FSIP1: variants seen among roughly 807,000 people sequenced by gnomAD.
FSIP1 encodes fibrous sheath-interacting protein 1.
A neutral mutation model predicts 60.9 loss-of-function variants in FSIP1; 65 were observed. That is an observed-to-expected ratio of 1.07 (90% confidence interval 0.87 to 1.31). The LOEUF (loss-of-function observed/expected upper bound fraction) is 1.31. Among genes scored for constraint, FSIP1 ranks in the 40% most tolerant of loss-of-function variants. The pLI, the probability that FSIP1 is intolerant of heterozygous loss-of-function variation, is 0.00. For synonymous variants in FSIP1, 209 were observed against 221.2 expected, an observed-to-expected ratio of 0.94 and a Z score of 0.49; for missense variants, 675 against 665.5, an observed-to-expected ratio of 1.01 and a Z score of -0.16.
At chr15:39,629,047 T>C (rs898138348) in intron 10 of FSIP1, among the ~76,000 whole-genome samples, 1 of 152,334 alleles carries the variant, frequency 6.6e-6, no homozygotes, top group African/African-American at 2.4e-5. Flanking sequence ...TGGCCTCTCT[T>C]GGAAGCTGTA....
At chr15:39,706,178 C>A (rs912087468) in intron 10 of FSIP1, among the ~76,000 whole-genome samples, 1 of 151,950 alleles carries the variant, frequency 6.6e-6, no homozygotes, top group African/African-American at 2.4e-5. Flanking sequence ...TTGGTTTCCT[C>A]GGGCATTATT....
intron 10 of FSIP1, among the ~76,000 whole-genome samples, chr15:39,695,852 G>GAA (rs1011300935): frequency 6.6e-6 from 1 of 152,070 alleles, no homozygotes; most frequent in Non-Finnish European, 1.5e-5. Flanking sequence ...ACTCACTCAA[G>GAA]AAAAAAATTA....
intron 10 of FSIP1, among the ~76,000 whole-genome samples, chr15:39,633,967 A>G (rs1892018138): frequency 6.6e-6 from 1 of 152,156 alleles, no homozygotes; most frequent in South Asian, 2.1e-4. Flanking sequence ...ATAGGCCCTC[A>G]GTTCTTCCAC....
rs370723351 is a variant in FSIP1, at chr15:39,701,660, C to A, written c.1188+11784G>T. ...AATTCTATCTGGTTTCATTTCAAATCTTTGTCATATTCTCAAAGCTCATTT... is the reference window on the plus strand; with the variant it reads ...AATTCTATCTGGTTTCATTTCAAATATTTGTCATATTCTCAAAGCTCATTT... On this transcript the variant is annotated intron_variant, in intron 10 of 11. Coordinates refer to ENST00000350221, the MANE Select transcript of FSIP1 (RefSeq NM_152597.5). 3.3e-5 allele frequency among the ~76,000 whole-genome samples: 5 copies of A among 152,290 alleles called. 1 individual carries two copies. Among genetic ancestry groups the A allele is most frequent in the Admixed American group, 6.5e-5 (1 of 15,288 alleles).
intron 10 of FSIP1, among the ~76,000 whole-genome samples, chr15:39,630,683 G>T (rs754316418): frequency 6.6e-6 from 1 of 152,194 alleles, no homozygotes; most frequent in Non-Finnish European, 1.5e-5. Context: ...CAGAGAAATT[G>T]AATGGTCCAG....
intron 10 of FSIP1, among the ~76,000 whole-genome samples, chr15:39,655,425 G>A (rs1298141592): frequency 6.6e-6 from 1 of 152,174 alleles, no homozygotes; most frequent in African/African-American, 2.4e-5. Context: ...GCCTCAAAAT[G>A]TAACTCTTCT....
intron 10 of FSIP1, among the ~76,000 whole-genome samples, chr15:39,649,718 A>C (rs1892787383): frequency 6.6e-6 from 1 of 152,150 alleles, no homozygotes; most frequent in Admixed American, 6.5e-5. Context: ...TCTGCCCAGG[A>C]ACCAACAAAG....
chr15:39,662,429 A>C (rs1416638860), intron 10 of FSIP1, among the ~76,000 whole-genome samples: 1 of 152,116 alleles, frequency 6.6e-6, no homozygotes, highest in Non-Finnish European at 1.5e-5. Context: ...TTATCTACCC[A>C]AAAAAGGAGG....
intron 10 of FSIP1, among the ~76,000 whole-genome samples, chr15:39,676,968 CTTAA>C (rs1204344327): frequency 6.6e-6 from 1 of 152,126 alleles, no homozygotes; most frequent in Non-Finnish European, 1.5e-5. Context: ...GAGTTGAGTT[CTTAA>C]TTAACTGTTG....
chr15:39,696,888 G>C (rs1894838492), intron 10 of FSIP1, among the ~76,000 whole-genome samples: 2 of 25,146 alleles, frequency 8.0e-5, no homozygotes, highest in South Asian at 2.1e-3. Context: ...GTGTGTGTGT[G>C]TGTGTGTGTG....
At chr15:39,673,346 C>T (rs2140472796) in intron 10 of FSIP1, among the ~76,000 whole-genome samples, 1 of 152,300 alleles carries the variant, frequency 6.6e-6, no homozygotes, top group South Asian at 2.1e-4. Context: ...CAGGGTCTCA[C>T]TTGGTCATCC....
chr15:39,625,630 C>T (rs1240438121), intron 10 of FSIP1, among the ~76,000 whole-genome samples: 2 of 152,120 alleles, frequency 1.3e-5, no homozygotes, highest in African/African-American at 4.8e-5. Context: ...AGCAAGTCGC[C>T]GGAATGGCCC....
At chr15:39,758,231 G>T (rs1897364172) in intron 5 of FSIP1, among the ~76,000 whole-genome samples, 1 of 152,010 alleles carries the variant, frequency 6.6e-6, no homozygotes, top group Admixed American at 6.6e-5. Flanking sequence ...TGAAAAAAGG[G>T]CAACTGAAAA....
At position 39,618,385 on chromosome 15, in the gene FSIP1, A is replaced by G. The variant is rs1033846766; in HGVS notation, c.1189-140T>C. The G allele has an allele frequency of 1.3e-5, 9 of 704,780 alleles. No individual in the cohort carries two copies. In the Admixed American group the frequency reaches 2.0e-4, roughly 16 times the overall value. The allele number at this position is 704,780 out of a possible 1,614,324, so 43.7% of individuals were successfully genotyped here. ...AAAATAGAAAAATAATTCATTGTAA[A>G]GTATCCAAAACTGTAGGGGAAATGT... On this transcript the variant is annotated intron_variant, in intron 10 of 11. Transcript: ENST00000350221.
At position 39,738,076 on chromosome 15, in the gene FSIP1, T is replaced by A; in HGVS notation, c.891+15A>T. 1 of 1,420,214 alleles carries A rather than the reference T, an allele frequency of 7.0e-7. No individual in the cohort carries two copies. Among genetic ancestry groups the A allele is most frequent in the Non-Finnish European group, 9.9e-7 (1 of 1,012,810 alleles). 88.0% of individuals were successfully genotyped at this position (1,420,214 alleles called of 1,614,324 possible). ...AAATTAAGAAGTGTAGTGTTCCCTA[T>A]CAGAGTTTACGTACCTCAGAACTGG... is the stretch of plus-strand genomic sequence containing the variant. On this transcript the variant is annotated intron_variant, in intron 8 of 11. Coordinates refer to ENST00000350221, the MANE Select transcript of FSIP1 (RefSeq NM_152597.5).
chr15:39,661,577 G>C (rs1893298095), intron 10 of FSIP1, among the ~76,000 whole-genome samples: 1 of 152,160 alleles, frequency 6.6e-6, no homozygotes, highest in African/African-American at 2.4e-5. Flanking sequence ...AGATGACCAG[G>C]TATTTTTCTG....
At chr15:39,754,318 A>C (rs865954416) in intron 5 of FSIP1, among the ~76,000 whole-genome samples, 61 of 152,194 alleles carry the variant, frequency 4.0e-4, no homozygotes, top group Admixed American at 4.6e-4. Context: ...CTTGAGTCGG[A>C]ACCACCCAGC....
At chr15:39,727,269 A>G (rs956370301) in intron 8 of FSIP1, among the ~76,000 whole-genome samples, 2 of 152,210 alleles carry the variant, frequency 1.3e-5, no homozygotes, top group Non-Finnish European at 1.5e-5. Context: ...AATAATGCCT[A>G]CTGAACATAT....
intron 10 of FSIP1, among the ~76,000 whole-genome samples, chr15:39,676,568 T>C (rs1338716666): frequency 1.3e-5 from 2 of 152,092 alleles, no homozygotes; most frequent in Non-Finnish European, 2.9e-5. Flanking sequence ...GAAAGGCACA[T>C]TTGCCTTCCC....
Sources: gnomAD v4.1 joint callset for allele counts (sites outside exome capture counted in the v4.1 genomes callset) on GRCh38, gnomAD v4.1.1 for gene constraint, MANE v1.5 for transcripts, NCBI Gene and HGNC (gene_info 2026-07-23, HGNC 2026-07-21) for gene names.